The following TBC1D22A variants were observed in gnomAD, a reference collection of about 807,000 sequenced individuals.
TBC1D22A encodes TBC1 domain family member 22A, also known as putative GTPase activator.
TBC1D22A carries 38 observed loss-of-function variants against 60.2 expected under a neutral mutation model. That is an observed-to-expected ratio of 0.63 (90% CI 0.49 to 0.83). The LOEUF is 0.83. Ranked by LOEUF, TBC1D22A falls within the 40% of genes least tolerant of loss-of-function variation. The probability of loss-of-function intolerance (pLI) is 0.00; values close to 1 mark genes in which losing one functional copy is unlikely to be tolerated. For synonymous variants in TBC1D22A, 302 were observed against 281.7 expected, an observed-to-expected ratio of 1.07 and a Z score of -0.72; for missense variants, 628 against 701.0, an observed-to-expected ratio of 0.90 and a Z score of 1.18.
intron 4 of TBC1D22A, among the ~76,000 whole-genome samples, chr22:46,823,020 C>A (rs1348009194): frequency 1.3e-5 from 2 of 152,168 alleles, no homozygotes; most frequent in Admixed American, 6.5e-5. Context: ...GTGCTGGGAC[C>A]ATTCAGACCA....
intron 7 of TBC1D22A, among the ~76,000 whole-genome samples, chr22:46,896,607 T>C (rs142652336): frequency 6.6e-6 from 1 of 152,320 alleles, no homozygotes; most frequent in African/African-American, 2.4e-5. Flanking sequence ...CCATATTTGT[T>C]ATGTCACTCC....
chr22:46,780,708 C>T (rs1004542535), intron 1 of TBC1D22A, among the ~76,000 whole-genome samples: 1 of 152,198 alleles, frequency 6.6e-6, no homozygotes, highest in Non-Finnish European at 1.5e-5. Context: ...GAGGGACTCT[C>T]GCTTGTTCAC....
At chr22:46,817,680 T>C (rs915940129) in intron 4 of TBC1D22A, among the ~76,000 whole-genome samples, 8 of 152,214 alleles carry the variant, frequency 5.3e-5, no homozygotes, top group Non-Finnish European at 1.0e-4. Flanking sequence ...GTTGGTTCCA[T>C]GTCTTTGCTA....
At position 47,119,326 on chromosome 22, in the gene TBC1D22A, G is replaced by C. The variant is rs1304213740; in HGVS notation, c.1425+7723G>C. The stretch of plus-strand genomic sequence containing the variant: ...CCGCTGGAAAGAAGCAGCAGGCTTG[G>C]CACTCCGTCTCACAGAGCTGGCCAC... On this transcript the variant is annotated intron_variant, in intron 12 of 12. Transcript: ENST00000337137. Among the ~76,000 whole-genome samples the C allele has an allele frequency of 5.3e-5, 8 of 152,224 alleles. 1 individual carries two copies. The East Asian group carries it at 1.5e-3, about 29-fold the overall frequency.
chr22:47,003,845 A>C (rs1223141570), intron 10 of TBC1D22A, among the ~76,000 whole-genome samples: 1 of 143,698 alleles, frequency 7.0e-6, no homozygotes, highest in Non-Finnish European at 1.5e-5. Context: ...CACCCTACGC[A>C]CACATGCCTG....
chr22:46,874,766 A>G lies in TBC1D22A; in HGVS notation c.638-3887A>G, dbSNP rs149699194. On this transcript the variant is annotated intron_variant, in intron 4 of 12. Coordinates refer to ENST00000337137, the MANE Select transcript of TBC1D22A (RefSeq NM_014346.5). ...TTTTTCTATTTTTAGTAGAGATGGG[A>G]TTTCACCATGTTGCCCAGGCTGGTC... Among the ~76,000 whole-genome samples, 293 of 151,470 alleles carry G rather than the reference A, an allele frequency of 1.9e-3. 7 individuals carry two copies. In the East Asian group the frequency reaches 0.046, roughly 24 times the overall value.
At chr22:46,992,158 G>A (rs1274177757) in intron 9 of TBC1D22A, among the ~76,000 whole-genome samples, 1 of 152,376 alleles carries the variant, frequency 6.6e-6, no homozygotes, top group Admixed American at 6.5e-5. Context: ...AGCCACACTC[G>A]TGGCTGTGAT....
At chr22:46,773,569 G>A (rs767938707) in intron 1 of TBC1D22A, among the ~76,000 whole-genome samples, 8 of 152,122 alleles carry the variant, frequency 5.3e-5, no homozygotes, top group South Asian at 2.1e-4. Flanking sequence ...GGTTCAAGCA[G>A]TTCTCCTGCC....
intron 11 of TBC1D22A, among the ~76,000 whole-genome samples, chr22:47,094,921 G>A (rs2065111887): frequency 6.6e-6 from 1 of 152,132 alleles, no homozygotes. Context: ...TCAAGACCTG[G>A]ACAGACACAT....
intron 4 of TBC1D22A, among the ~76,000 whole-genome samples, chr22:46,860,569 C>A: frequency 6.9e-6 from 1 of 145,870 alleles, no homozygotes; most frequent in Admixed American, 6.8e-5. Context: ...GATAGAGGTC[C>A]GCGCAGTGCT....
rs9615445 is a variant in TBC1D22A, at chr22:47,034,714, C to T, written c.1202-2357C>T. Among the ~76,000 whole-genome samples the T allele has an allele frequency of 2.6e-3, 396 of 152,166 alleles. 4 individuals carry two copies. The highest frequency in any genetic ancestry group is 3.5e-3 in the Non-Finnish European group (239 of 67,992). ...GGGAGGCAATCCCTGGCCTATGTGC[C>T]GGGGACTTTGGACGACGGAGCTCGA... On this transcript the variant is annotated intron_variant, in intron 10 of 12. Coordinates refer to ENST00000337137, the MANE Select transcript of TBC1D22A (RefSeq NM_014346.5).
intron 8 of TBC1D22A, among the ~76,000 whole-genome samples, chr22:46,947,538 A>G (rs571119902): frequency 4.2e-4 from 64 of 152,296 alleles, no homozygotes; most frequent in African/African-American, 1.5e-3. Flanking sequence ...TGCCCCCTCC[A>G]GGCCACCACC....
intron 8 of TBC1D22A, among the ~76,000 whole-genome samples, chr22:46,932,900 T>C (rs904410456): frequency 6.6e-6 from 1 of 151,990 alleles, no homozygotes; most frequent in African/African-American, 2.4e-5. Flanking sequence ...AATTTTTTTA[T>C]TTTTAGTAGA....
At chr22:46,961,384 A>ACAC (rs926148331) in intron 8 of TBC1D22A, among the ~76,000 whole-genome samples, 3 of 152,338 alleles carry the variant, frequency 2.0e-5, no homozygotes, top group African/African-American at 7.2e-5. Flanking sequence ...CAGCTCAAAG[A>ACAC]CACCAGCACC....
At chr22:47,064,543 A>T (rs964450640) in intron 11 of TBC1D22A, among the ~76,000 whole-genome samples, 7 of 152,230 alleles carry the variant, frequency 4.6e-5, no homozygotes, top group Non-Finnish European at 8.8e-5. Context: ...ACTGCTGCGA[A>T]TGCACTGTCA....
intron 12 of TBC1D22A, among the ~76,000 whole-genome samples, chr22:47,143,930 T>G (rs1556317707): frequency 6.6e-6 from 1 of 152,208 alleles, no homozygotes; most frequent in Non-Finnish European, 1.5e-5. Flanking sequence ...GCCCGCTGCC[T>G]TCTTCTGCTC....
intron 11 of TBC1D22A, among the ~76,000 whole-genome samples, chr22:47,044,425 G>C (rs4475): frequency 0.71 from 107,339 of 152,086 alleles, 38,378 homozygotes; most frequent in East Asian, 0.92. Context: ...CGTGCTCCAA[G>C]TACCGCACCT....
intron 12 of TBC1D22A, among the ~76,000 whole-genome samples, chr22:47,146,265 T>A (rs1207013897): frequency 6.6e-6 from 1 of 152,224 alleles, no homozygotes; most frequent in Admixed American, 6.5e-5. Flanking sequence ...GCTTGCCTGA[T>A]AACCTCCAAA....
chr22:47,173,670 G>T lies in TBC1D22A; in HGVS notation c.*44G>T. 6.2e-7 allele frequency: 1 copy of T among 1,608,418 alleles called. No homozygotes were observed. The highest frequency in any genetic ancestry group is 1.7e-5 in the Admixed American group (1 of 59,904). On this transcript the variant is annotated 3_prime_UTR_variant, in exon 13 of 13. Transcript: ENST00000337137. ...CTGGCCTCACTGTCCCGGGTGGCGC[G>T]CCCCACCTGCCTGGCTGGTGGTAGG...
Sources: allele counts gnomAD v4.1 joint callset (sites outside exome capture counted in the v4.1 genomes callset), GRCh38; gene constraint gnomAD v4.1.1; transcripts MANE v1.5; gene names NCBI Gene and HGNC (gene_info 2026-07-23, HGNC 2026-07-21).